Variants in COPA observed in about 807,000 individuals in gnomAD.
The protein encoded by COPA is coatomer subunit alpha.
COPA carries 10 observed loss-of-function variants against 158.7 expected under a neutral mutation model. The ratio of observed to expected loss-of-function variants is 0.06; its 90% CI spans 0.04 to 0.11. The LOEUF (loss-of-function observed/expected upper bound fraction) is 0.11. Ranked by LOEUF, COPA falls within the 10% of genes least tolerant of loss-of-function variation. The probability of loss-of-function intolerance (pLI) is 1.00; values close to 1 mark genes in which losing one functional copy is unlikely to be tolerated. For missense variants in COPA, 1,065 were observed against 1,536.7 expected, an observed-to-expected ratio of 0.69 and a Z score of 5.13; for synonymous variants, 462 against 542.8, an observed-to-expected ratio of 0.85 and a Z score of 2.07.
At chr1:160,303,583 T>C (rs1658686388) in intron 17 of COPA, among the ~76,000 whole-genome samples, 1 of 152,190 alleles carries the variant, frequency 6.6e-6, no homozygotes, top group African/African-American at 2.4e-5. Flanking sequence ...TTACAATGTT[T>C]TTACAGAAGA....
chr1:160,294,552 G>A lies in COPA; in HGVS notation c.2608C>T (p.Leu870Phe), dbSNP rs1222094117. 1.1e-5 allele frequency: 18 copies of A among 1,614,164 alleles called. No individual in the cohort carries two copies. Among genetic ancestry groups the A allele is most frequent in the Non-Finnish European group, 1.4e-5 (17 of 1,180,028 alleles). The change falls in exon 25 of 33, where the codon CTT becomes TTT. Residue 870 changes from leucine to phenylalanine, a missense_variant. By Grantham distance (22) the Leu-to-Phe change is conservative. Transcript: ENST00000241704. ...CCTCCTTCTTCCTGTCCCTTGCCAA[G>A]AGCATCATCCCCCAAACCTTCTGTA... ...EATEGLGDDA[L>F]GKGQEEGGGW...
At chr1:160,309,046 T>C in intron 13 of COPA, 55 bp downstream of exon 13, 2 of 1,383,152 alleles carry the variant, frequency 1.4e-6, no homozygotes, top group Non-Finnish European at 2.1e-6. Flanking sequence ...AGAGGAGTTA[T>C]GATGCGGGTG....
chr1:160,316,266 G>T (rs1327353729), intron 8 of COPA, among the ~76,000 whole-genome samples: 1 of 152,026 alleles, frequency 6.6e-6, no homozygotes, highest in Non-Finnish European at 1.5e-5. Context: ...GCTGAGGCAG[G>T]AGAATCACTT....
At position 160,310,197 on chromosome 1, in the gene COPA, A is replaced by G. The variant is rs1345125838; in HGVS notation, c.1138T>C (p.Cys380Arg). 2 of 1,591,036 alleles carry G rather than the reference A, an allele frequency of 1.3e-6. No individual in the cohort carries two copies. Among genetic ancestry groups the G allele is most frequent in the African/African-American group, 1.4e-5 (1 of 73,588 alleles). Residue 380 changes from cysteine to arginine, a missense_variant, in exon 12 of 33, where the codon TGT becomes CGT. Transcript: ENST00000241704. ...YNPAENAVLLCTRASNLENST... is the reference protein window; with the variant it reads ...YNPAENAVLLRTRASNLENST... ...GGGCTCCACAGGTTACTTACTGTACAAAGCAGGACTGCATTTTCTGCTGGA... is the reference window on the plus strand; with the variant it reads ...GGGCTCCACAGGTTACTTACTGTACGAAGCAGGACTGCATTTTCTGCTGGA...
At chr1:160,307,060 C>T (rs1658811297) in intron 14 of COPA, 103 bp downstream of exon 14, 3 of 1,141,150 alleles carry the variant, frequency 2.6e-6, no homozygotes, top group Non-Finnish European at 3.9e-6. Context: ...AGAATCACGG[C>T]TGCCCGGGGG....
At chr1:160,293,563 C>G (rs1206420102) in intron 25 of COPA, 100 bp from the exon 26 acceptor site, 1 of 881,662 alleles carries the variant, frequency 1.1e-6, no homozygotes, top group Non-Finnish European at 1.7e-6. Context: ...GGCATGATCT[C>G]GGCACACTGC....
Position 160,314,109 on chromosome 1 carries a change from C to T in COPA, c.723G>A (p.Glu241=), listed in dbSNP as rs1659062964. 6.2e-7 allele frequency: 1 copy of T among 1,612,960 alleles called. No individual in the cohort carries two copies. The highest frequency in any genetic ancestry group is 1.7e-5 in the Admixed American group (1 of 59,752). The change falls in exon 9 of 33, where the codon GAG becomes GAA. Residue 241 remains glutamate, a synonymous_variant. Coordinates refer to ENST00000241704, the MANE Select transcript of COPA (RefSeq NM_004371.4). ...TGTAATGGCCCCGGCAGGTATCAACCTCCCATGCCTTTGATTCTGAAGGAC... is the reference window on the plus strand; with the variant it reads ...TGTAATGGCCCCGGCAGGTATCAACTTCCCATGCCTTTGATTCTGAAGGAC... The part of the protein sequence containing the change: ...IWRMNESKAW[E]VDTCRGHYNN...
chr1:160,333,114 G>A (rs1647605913), intron 5 of COPA, among the ~76,000 whole-genome samples: 1 of 152,174 alleles, frequency 6.6e-6, no homozygotes, highest in Non-Finnish European at 1.5e-5. Context: ...AGTAGAGACG[G>A]GGTTTCACCA....
At chr1:160,312,947 C>A in intron 10 of COPA, 138 bp downstream of exon 10, 2 of 709,366 alleles carry the variant, frequency 2.8e-6, no homozygotes, top group Non-Finnish European at 4.6e-6. Context: ...AGGAGAAAAG[C>A]TTCAACTAAG....
At chr1:160,312,651 C>T (rs950724739) in intron 10 of COPA, among the ~76,000 whole-genome samples, 1 of 152,192 alleles carries the variant, frequency 6.6e-6, no homozygotes, top group Non-Finnish European at 1.5e-5. Flanking sequence ...GAAGGCAATA[C>T]ACGATCTGGC....
At chr1:160,325,446 T>C in intron 7 of COPA, 97 bp downstream of exon 7, 1 of 1,034,448 alleles carries the variant, frequency 9.7e-7, no homozygotes, top group East Asian at 2.4e-5. Context: ...ATAAGCACTC[T>C]GTAAATATTT....
At chr1:160,310,408 A>G (rs1410323383) in intron 11 of COPA, 150 bp from the exon 12 acceptor site, 2 of 451,842 alleles carry the variant, frequency 4.4e-6, no homozygotes, top group Non-Finnish European at 4.0e-6. Context: ...TAAATATTGT[A>G]TTCTCTTCCT....
At position 160,305,510 on chromosome 1, in the gene COPA, G is replaced by C; in HGVS notation, c.1590C>G (p.Val530=). ...CACTCTCATCCCAGGCCCCACTCTT[G>C]ACACGAATGTTCTCATGAATGTTAC... The part of the protein sequence containing the change: ...ALCNIHENIR[V]KSGAWDESGV... The change falls in exon 17 of 33, where the codon GTC becomes GTG. Residue 530 remains valine (V), a synonymous_variant. Coordinates refer to ENST00000241704, the MANE Select transcript of COPA (RefSeq NM_004371.4). 1.9e-6 allele frequency: 3 copies of C among 1,614,154 alleles called. No individual in the cohort carries two copies. The highest frequency in any genetic ancestry group is 1.7e-6 in the Non-Finnish European group (2 of 1,180,026).
At chr1:160,339,225 T>C (rs1189492920) in intron 3 of COPA, among the ~76,000 whole-genome samples, 1 of 132,834 alleles carries the variant, frequency 7.5e-6, no homozygotes, top group Non-Finnish European at 1.5e-5. Context: ...CACATCCATC[T>C]CCTTCTCTCC....
intron 6 of COPA, among the ~76,000 whole-genome samples, chr1:160,331,451 G>C (rs1242533244): frequency 6.6e-6 from 1 of 151,944 alleles, no homozygotes; most frequent in Non-Finnish European, 1.5e-5. Flanking sequence ...TCAGGAGTTC[G>C]AGACCAGCCT....
In COPA at chr1:160,293,037, A is replaced by G. The variant is rs930294889; in HGVS notation, c.2823+129T>C. On this transcript the variant is annotated intron_variant, in intron 27 of 32. Coordinates refer to ENST00000241704, the MANE Select transcript of COPA (RefSeq NM_004371.4). ...AGGCAAGTGTACTTAACAAAGATAA[A>G]GAGTTTTCATGAAAAATATACACCT... The G allele has an allele frequency of 1.1e-5, 10 of 926,280 alleles. No individual in the cohort carries two copies. In the African/African-American group the frequency reaches 2.0e-4, roughly 19 times the overall value. The allele number at this position is 926,280 out of a possible 1,614,324, so 57.4% of individuals were successfully genotyped here. A position where few individuals can be genotyped will look rare whatever the true frequency, so the allele number is the denominator to read the frequency against.
intron 8 of COPA, among the ~76,000 whole-genome samples, chr1:160,322,690 C>A (rs994635634): frequency 6.6e-6 from 1 of 152,088 alleles, no homozygotes; most frequent in African/African-American, 2.4e-5. Flanking sequence ...CAGGCAATAA[C>A]AGATGCTGGC....
chr1:160,292,582 G>A lies in COPA; in HGVS notation c.2862C>T (p.Pro954=). The part of the protein sequence containing the change: ...HDQVGVIQFG[P]YKQLFLQTYA... ...ATGTCTGTAGGAACAGTTGCTTGTAGGGGCCAAACTGGATTACCCCTACTT... is the reference window on the plus strand; with the variant it reads ...ATGTCTGTAGGAACAGTTGCTTGTAAGGGCCAAACTGGATTACCCCTACTT... The change falls in exon 28 of 33, where the codon CCC becomes CCT. Residue 954 remains proline, a synonymous_variant. Transcript: ENST00000241704. 1 of 1,613,814 alleles carries A rather than the reference G, an allele frequency of 6.2e-7. No individual in the cohort carries two copies. Among genetic ancestry groups the A allele is most frequent in the Non-Finnish European group, 8.5e-7 (1 of 1,179,928 alleles).
chr1:160,307,996 TC>T (rs1415736564), intron 13 of COPA, among the ~76,000 whole-genome samples: 2 of 152,180 alleles, frequency 1.3e-5, no homozygotes, highest in Non-Finnish European at 2.9e-5. Context: ...CTAATTATTA[TC>T]AAAACCAACA....
Sources: gnomAD v4.1 joint callset for allele counts (sites outside exome capture counted in the v4.1 genomes callset) on GRCh38, gnomAD v4.1.1 for gene constraint, MANE v1.5 for transcripts, NCBI Gene and HGNC (gene_info 2026-07-23, HGNC 2026-07-21) for gene names.